TRIM66: variants seen among roughly 807,000 people sequenced by gnomAD.
The protein encoded by TRIM66 is tripartite motif-containing protein 66.
Under a neutral mutation model 148.2 loss-of-function variants are expected in TRIM66, and 99 were observed. That is an observed-to-expected ratio of 0.67 (90% CI 0.57 to 0.79). The LOEUF is 0.79. Ranked by LOEUF, TRIM66 falls within the 30% of genes least tolerant of loss-of-function variation. The probability of loss-of-function intolerance (pLI) is 0.00; values close to 1 mark genes in which losing one functional copy is unlikely to be tolerated. For missense variants in TRIM66, 1,666 were observed against 1,697.9 expected (o/e 0.98, Z 0.33); for synonymous variants, 616 against 635.9 (o/e 0.97, Z 0.47).
chr11:8,618,768 C>G lies in TRIM66; in HGVS notation c.4101G>C (p.Lys1367Asn), dbSNP rs770184595. 2 of 1,550,732 alleles carry G rather than the reference C, an allele frequency of 1.3e-6. No individual in the cohort carries two copies. The highest frequency in any genetic ancestry group is 1.7e-6 in the Non-Finnish European group (2 of 1,146,834). ...TCTTTACCATATGTCGTCGCCGCCT[C>G]TTGGGTTGGATGCCCTCCTGCATGT... ...PPYMQEGIQP[K>N]RRRRHMENER... is the part of the protein sequence containing the mutation. Residue 1367 changes from lysine (K) to asparagine (N), a missense_variant, in exon 24 of 25, where the codon AAG becomes AAC. Transcript: ENST00000646038.
At chr11:8,633,310 G>T (rs1008649871) in intron 15 of TRIM66, among the ~76,000 whole-genome samples, 2 of 147,106 alleles carry the variant, frequency 1.4e-5, no homozygotes, top group African/African-American at 4.9e-5. Context: ...CAACAAGAGT[G>T]AAACTCCATC....
At chr11:8,620,346 T>C in intron 21 of TRIM66, 100 bp downstream of exon 21, 3 of 1,493,784 alleles carry the variant, frequency 2.0e-6, no homozygotes, top group Non-Finnish European at 2.7e-6. Flanking sequence ...AAGAAATGTA[T>C]CCAGAAAAGC....
At chr11:8,664,571 A>T (rs1433968962) in intron 6 of TRIM66, among the ~76,000 whole-genome samples, 1 of 152,220 alleles carries the variant, frequency 6.6e-6, no homozygotes, top group Non-Finnish European at 1.5e-5. Flanking sequence ...TTTACAAAAG[A>T]TAATGCCTGT....
Position 8,670,007 on chromosome 11 carries a change from G to GTTTTTTTT in TRIM66, c.340+1778_340+1779insAAAAAAAA, listed in dbSNP as rs752586311. Among the ~76,000 whole-genome samples the GTTTTTTTT allele has an allele frequency of 6.5e-5, 9 of 138,468 alleles. 1 individual carries two copies. The highest frequency in any genetic ancestry group is 1.1e-4 in the African/African-American group (4 of 37,104). The allele number at this position is 138,468 out of a possible 152,430, so 90.8% of individuals were successfully genotyped here. On this transcript the variant is annotated intron_variant, in intron 6 of 24. Transcript: ENST00000646038. The stretch of plus-strand genomic sequence containing the variant: ...GTAGTTTTTTGTTTTGTCTTGTTTT[G>GTTTTTTTT]TTTTTATTTATTTTTTTTTTTTTGA...
chr11:8,627,407 G>A (rs962857255), intron 15 of TRIM66, among the ~76,000 whole-genome samples: 1 of 152,136 alleles, frequency 6.6e-6, no homozygotes, highest in Non-Finnish European at 1.5e-5. Context: ...TTTATTATAT[G>A]CAAGGCAATT....
At chr11:8,649,338 C>CAAAAAA (rs963381909) in intron 8 of TRIM66, among the ~76,000 whole-genome samples, 20 of 148,170 alleles carry the variant, frequency 1.3e-4, no homozygotes, top group African/African-American at 4.5e-4. Context: ...GACTCCATCT[C>CAAAAAA]AAAAAAAAAT....
chr11:8,625,278 A>C (rs2034713535), intron 15 of TRIM66, 50 bp from the exon 16 acceptor site: 2 of 1,451,334 alleles, frequency 1.4e-6, no homozygotes, highest in Admixed American at 2.6e-5. Context: ...CTGGGAATGG[A>C]GGGAGGGAGA....
At chr11:8,680,825 C>CG (rs2039378739) in intron 1 of TRIM66, 1 of 152,066 alleles carries the variant, frequency 6.6e-6, no homozygotes, top group South Asian at 2.1e-4. Context: ...TGGTGGACAA[C>CG]GCTGGATGGA....
At position 8,649,838 on chromosome 11, in the gene TRIM66, T is replaced by G. The variant is rs1592137224; in HGVS notation, c.494A>C (p.Tyr165Ser). The G allele has an allele frequency of 1.3e-6, 2 of 1,551,666 alleles. No individual in the cohort carries two copies. Among genetic ancestry groups the G allele is most frequent in the Middle Eastern group, 1.7e-4 (1 of 5,992 alleles). Residue 165 changes from tyrosine to serine, a missense_variant, in exon 8 of 25, where the codon TAC becomes TCC. Physicochemically the swap from Tyr to Ser is moderately radical, Grantham distance 144. This residue lies in a region of TRIM66 where 1,431 missense variants were observed against 1,412.4 expected (regional missense o/e 1.01). Transcript: ENST00000646038. ...EKRAAHILCT[Y>S]CNRWLCSSCT... ...AGAGCTGCACAGCCAGCGATTGCAG[T>G]AGGTGCAGAGGATATGTGCTGCCCT...
chr11:8,623,017 ATAC>A, intron 17 of TRIM66, 141 bp from the exon 18 acceptor site: 1 of 116,936 alleles, frequency 8.6e-6, no homozygotes, highest in South Asian at 8.5e-5. Context: ...ATAGTCATTC[ATAC>A]ATAGTGGTGA....
At chr11:8,632,105 C>T (rs1314303668) in intron 15 of TRIM66, among the ~76,000 whole-genome samples, 3 of 152,164 alleles carry the variant, frequency 2.0e-5, no homozygotes, top group South Asian at 2.1e-4. Flanking sequence ...GTCAGGAGTT[C>T]GAGACCAGCC....
chr11:8,618,662 C>T lies in TRIM66; in HGVS notation c.4119+88G>A, dbSNP rs146757523. On this transcript the variant is annotated intron_variant, in intron 24 of 24. Transcript: ENST00000646038. ...GTCACCACCATCTTTTTGCACCACC[C>T]GAACAGCTTCACCTTAGGTTCTGCT... The T allele has an allele frequency of 3.0e-4, 381 of 1,270,898 alleles. 3 individuals are homozygous for T. The East Asian group carries it at 6.6e-3, about 22-fold the overall frequency. 78.7% of individuals were successfully genotyped at this position (1,270,898 alleles called of 1,614,324 possible).
At chr11:8,671,417 A>G (rs1391627540) in intron 6 of TRIM66, among the ~76,000 whole-genome samples, 5 of 152,192 alleles carry the variant, frequency 3.3e-5, no homozygotes. Flanking sequence ...ATTCTATTCA[A>G]AATCTGTTCC....
intron 15 of TRIM66, among the ~76,000 whole-genome samples, chr11:8,627,425 T>C (rs765353515): frequency 7.2e-5 from 11 of 152,242 alleles, no homozygotes; most frequent in Non-Finnish European, 1.3e-4. Flanking sequence ...ATTTGCTAAA[T>C]GTTTTACATA....
At chr11:8,620,383 AC>A (rs1449604312) in intron 21 of TRIM66, 62 bp downstream of exon 21, 1 of 1,543,900 alleles carries the variant, frequency 6.5e-7, no homozygotes, top group African/African-American at 1.4e-5. Flanking sequence ...AAGGCCTCAG[AC>A]CCTGTAGGCA....
chr11:8,653,017 A>G (rs569745406), intron 6 of TRIM66, among the ~76,000 whole-genome samples: 1 of 152,334 alleles, frequency 6.6e-6, no homozygotes, highest in African/African-American at 2.4e-5. Context: ...TAAATTAGAT[A>G]AGACTTCAGA....
At chr11:8,660,620 T>C (rs2133377393) in intron 6 of TRIM66, among the ~76,000 whole-genome samples, 1 of 152,358 alleles carries the variant, frequency 6.6e-6, no homozygotes, top group African/African-American at 2.4e-5. Context: ...ATATTTACTA[T>C]CTAGCCTTGT....
At chr11:8,620,911 A>C (rs1203965734) in intron 20 of TRIM66, 121 bp downstream of exon 20, 2 of 1,305,396 alleles carry the variant, frequency 1.5e-6, no homozygotes, top group Non-Finnish European at 2.1e-6. Flanking sequence ...CCTGCAATTC[A>C]AGCAGGTCCA....
At chr11:8,645,189 T>C (rs755274287) in intron 12 of TRIM66, among the ~76,000 whole-genome samples, 2 of 152,218 alleles carry the variant, frequency 1.3e-5, no homozygotes, top group Non-Finnish European at 2.9e-5. Context: ...CACCCATATA[T>C]TAAAACGGCT....
Sources: allele counts gnomAD v4.1 joint callset (sites outside exome capture counted in the v4.1 genomes callset), GRCh38; gene constraint gnomAD v4.1.1; regional missense constraint gnomAD v4.1.1; transcripts MANE v1.5; gene names NCBI Gene and HGNC (gene_info 2026-07-23, HGNC 2026-07-21).